Variants in LRRC74A observed in about 807,000 individuals in gnomAD.
LRRC74A encodes leucine-rich repeat-containing protein 74A.
A neutral mutation model predicts 57.9 loss-of-function variants in LRRC74A; 44 were observed. That is an observed-to-expected ratio of 0.76 (90% CI 0.60 to 0.98). The LOEUF is 0.98. Ranked by LOEUF, LRRC74A falls within the 50% of genes least tolerant of loss-of-function variation. The pLI is 0.00. For synonymous variants in LRRC74A, 211 were observed against 219.4 expected, an observed-to-expected ratio of 0.96 and a Z score of 0.34; for missense variants, 572 against 574.0, an observed-to-expected ratio of 1.00 and a Z score of 0.04.
chr14:76,836,381 C>A, intron 4 of LRRC74A, 67 bp downstream of exon 4: 1 of 1,223,792 alleles, frequency 8.2e-7, no homozygotes, highest in Non-Finnish European at 1.2e-6. Flanking sequence ...TGGAGACAAG[C>A]CAGAGGCCCT....
chr14:76,838,871 G>A (rs1896555562), intron 5 of LRRC74A, among the ~76,000 whole-genome samples: 1 of 152,182 alleles, frequency 6.6e-6, no homozygotes. Flanking sequence ...AAAGTGGTGG[G>A]ATTACAGGCA....
chr14:76,863,443 C>A (rs1289681826), intron 11 of LRRC74A, among the ~76,000 whole-genome samples: 1 of 152,166 alleles, frequency 6.6e-6, no homozygotes, highest in African/African-American at 2.4e-5. Flanking sequence ...AGGGCAGGTC[C>A]TTCCACCTGG....
Position 76,857,397 on chromosome 14 carries a change from A to T in LRRC74A, c.975A>T (p.Ile325=), listed in dbSNP as rs1300662704. The T allele has an allele frequency of 1.3e-6, 2 of 1,579,436 alleles. No individual in the cohort carries two copies. The highest frequency in any genetic ancestry group is 2.7e-5 in the African/African-American group (2 of 74,412). Residue 325 remains isoleucine, a synonymous_variant, in exon 10 of 14, where the codon ATA becomes ATT. Transcript: ENST00000689127. ...LRVLKLFLNP[I]NMDGAILLIL... ...CTCTATAGCTTTTCCTGAATCCCAT[A>T]AATATGGATGGGGCTATTTTACTTA...
intron 5 of LRRC74A, among the ~76,000 whole-genome samples, chr14:76,839,879 C>T (rs564538229): frequency 3.3e-5 from 5 of 151,684 alleles, no homozygotes; most frequent in African/African-American, 9.7e-5. Context: ...TATAGGTGCC[C>T]GCCACCACAC....
chr14:76,830,264 G>A (rs778757136), intron 2 of LRRC74A, among the ~76,000 whole-genome samples: 1 of 152,214 alleles, frequency 6.6e-6, no homozygotes, highest in African/African-American at 2.4e-5. Context: ...TTGGCCAAAG[G>A]CCCTGGGATC....
chr14:76,856,722 G>GGATA (rs1566738310), intron 9 of LRRC74A, among the ~76,000 whole-genome samples: 5 of 144,608 alleles, frequency 3.5e-5, no homozygotes, highest in East Asian at 4.1e-4. Context: ...ATGGATGGAT[G>GGATA]GATGAGCAGT....
chr14:76,860,503 G>A (rs1898213620), intron 10 of LRRC74A, among the ~76,000 whole-genome samples, 190 bp from the exon 11 acceptor site: 1 of 152,136 alleles, frequency 6.6e-6, no homozygotes, highest in African/African-American at 2.4e-5. Flanking sequence ...AAATTACCCA[G>A]GAAACTTACA....
At chr14:76,869,739 G>T (rs1175090938) in intron 13 of LRRC74A, among the ~76,000 whole-genome samples, 6 of 150,642 alleles carry the variant, frequency 4.0e-5, no homozygotes, top group African/African-American at 1.2e-4. Flanking sequence ...TACAGCCTGG[G>T]TGACAGAGTA....
Position 76,866,083 on chromosome 14 carries a change from G to C in LRRC74A, c.1308+8G>C, listed in dbSNP as rs1308347267. 1 of 1,505,794 alleles carries C rather than the reference G, an allele frequency of 6.6e-7. No homozygotes were observed. The highest frequency in any genetic ancestry group is 9.1e-7 in the Non-Finnish European group (1 of 1,093,328). 93.3% of individuals were successfully genotyped at this position (1,505,794 alleles called of 1,614,324 possible). ...CAGAAAGTGATGATAGAGGTGTGCT[G>C]GGTCCTAGTGGCAACAGGCTGTGTG... On this transcript the variant is annotated splice_region_variant and intron_variant, in intron 12 of 13. Transcript: ENST00000689127.
chr14:76,834,275 C>T (rs983321058), intron 3 of LRRC74A, among the ~76,000 whole-genome samples: 12 of 152,306 alleles, frequency 7.9e-5, no homozygotes, highest in South Asian at 2.1e-4. Flanking sequence ...GTGTTAGGAA[C>T]GCACCATTAC....
intron 9 of LRRC74A, among the ~76,000 whole-genome samples, 198 bp from the exon 10 acceptor site, chr14:76,857,182 A>G (rs1467054386): frequency 7.2e-6 from 1 of 138,170 alleles, no homozygotes; most frequent in Non-Finnish European, 1.5e-5. Context: ...GGATGGATGA[A>G]TGGATGGATG....
chr14:76,856,617 G>A (rs1301905170), intron 9 of LRRC74A, among the ~76,000 whole-genome samples: 1 of 151,112 alleles, frequency 6.6e-6, no homozygotes, highest in African/African-American at 2.4e-5. Flanking sequence ...GTGGATGGAT[G>A]AGTAGATGAG....
intron 7 of LRRC74A, 53 bp downstream of exon 7, chr14:76,844,954 C>T: frequency 2.3e-6 from 2 of 871,860 alleles, no homozygotes; most frequent in East Asian, 2.5e-5. Flanking sequence ...GGAAGAATCA[C>T]TTGGCAGAGC....
Position 76,853,240 on chromosome 14 carries a change from G to T in LRRC74A, c.787G>T (p.Asp263Tyr), listed in dbSNP as rs1398120481. ...GGGTAATGTGACCCTGACAAAGCTG[G>T]ATCTCTCCATGAATGGCTTTGGGAA... ...LRGNVTLTKL[D>Y]LSMNGFGNEV... The change falls in exon 9 of 14, where the codon GAT (aspartate) becomes TAT (tyrosine). Residue 263 changes from aspartate (D) to tyrosine (Y), a missense_variant. Physicochemically the swap from Asp to Tyr is radical, Grantham distance 160. Coordinates refer to ENST00000689127, the MANE Select transcript of LRRC74A (RefSeq NM_001385106.1). The T allele has an allele frequency of 1.9e-6, 3 of 1,613,264 alleles. No individual in the cohort carries two copies. Among genetic ancestry groups the T allele is most frequent in the Non-Finnish European group, 2.5e-6 (3 of 1,179,274 alleles).
intron 2 of LRRC74A, among the ~76,000 whole-genome samples, chr14:76,830,692 G>T (rs765690402): frequency 6.6e-6 from 1 of 152,276 alleles, no homozygotes; most frequent in Admixed American, 6.5e-5. Context: ...CTCTGTCCTA[G>T]TTGGGCTTTT....
At chr14:76,844,310 C>T in intron 5 of LRRC74A, 113 bp from the exon 6 acceptor site, 2 of 1,017,642 alleles carry the variant, frequency 2.0e-6, no homozygotes, top group Non-Finnish European at 3.0e-6. Context: ...GCCCCTACCA[C>T]CTTTTTTCTG....
chr14:76,836,322 G>A lies in LRRC74A; in HGVS notation c.447+8G>A, dbSNP rs760401753. The A allele has an allele frequency of 3.8e-6, 6 of 1,577,016 alleles. No homozygotes were observed. In the East Asian group the frequency reaches 6.7e-5, roughly 18 times the overall value. On this transcript the variant is annotated splice_region_variant and intron_variant, in intron 4 of 13. Transcript: ENST00000689127. ...TACTACCTCCAGGAGATGGTACTGTGCCCCCCTGTGCTGGCTCTTACCATC... is the reference window on the plus strand; with the variant it reads ...TACTACCTCCAGGAGATGGTACTGTACCCCCCTGTGCTGGCTCTTACCATC...
At chr14:76,841,724 T>C (rs1478941775) in intron 5 of LRRC74A, among the ~76,000 whole-genome samples, 1 of 151,354 alleles carries the variant, frequency 6.6e-6, no homozygotes, top group African/African-American at 2.4e-5. Flanking sequence ...TTCTTTTTTT[T>C]TTTTTTTAGA....
chr14:76,865,906 G>T, intron 11 of LRRC74A, 62 bp from the exon 12 acceptor site: 2 of 1,281,534 alleles, frequency 1.6e-6, no homozygotes, highest in South Asian at 1.3e-5. Context: ...GGAGGGAAGG[G>T]GGACCTGCGA....
Sources: allele counts gnomAD v4.1 joint callset (sites outside exome capture counted in the v4.1 genomes callset), GRCh38; gene constraint gnomAD v4.1.1; transcripts MANE v1.5; gene names NCBI Gene and HGNC (gene_info 2026-07-23, HGNC 2026-07-21).